DIAPH2: variants seen among roughly 807,000 people sequenced by gnomAD.
DIAPH2 encodes the protein diaphanous related formin 2.
In DIAPH2, 35 loss-of-function variants were observed where a neutral mutation model predicts 92.7. That is an observed-to-expected ratio of 0.38 (90% CI 0.29 to 0.50). The LOEUF is 0.50. DIAPH2 is among the 20% of genes least tolerant of loss of function. The pLI, the probability that DIAPH2 is intolerant of heterozygous loss-of-function variation, is 0.94. For synonymous variants in DIAPH2, 301 were observed against 280.4 expected (o/e 1.07, Z -0.73); for missense variants, 701 against 819.5 (o/e 0.86, Z 1.77).
At chrX:96,940,450 C>T (rs2065697155) in intron 12 of DIAPH2, among the ~76,000 whole-genome samples, 1 of 111,850 alleles carries the variant, frequency 8.9e-6, no homozygotes, top group African/African-American at 3.3e-5. Context: ...TTACATTTAA[C>T]TGTTCAAGAG....
At chrX:96,764,519 G>A (rs1034477147) in intron 4 of DIAPH2, among the ~76,000 whole-genome samples, 2 of 111,753 alleles carry the variant, frequency 1.8e-5, no homozygotes, top group African/African-American at 6.5e-5. Flanking sequence ...ATTAGTTTGA[G>A]CAAGGAGGTA....
intron 4 of DIAPH2, among the ~76,000 whole-genome samples, chrX:96,781,034 C>T (rs1384786876): frequency 2.8e-5 from 3 of 108,550 alleles, no homozygotes; most frequent in Non-Finnish European, 5.7e-5. Flanking sequence ...CTCAAACTGC[C>T]GACCTCAGGC....
intron 23 of DIAPH2, among the ~76,000 whole-genome samples, chrX:97,331,860 G>A (rs1014107949): frequency 2.7e-5 from 3 of 111,355 alleles, no homozygotes; most frequent in African/African-American, 9.8e-5. Flanking sequence ...CTAATGTCAG[G>A]GGTATCAAAC....
intron 22 of DIAPH2, among the ~76,000 whole-genome samples, chrX:97,176,551 G>A (rs1464064236): frequency 2.7e-5 from 3 of 110,283 alleles, no homozygotes; most frequent in Non-Finnish European, 5.7e-5. Context: ...TTTTTGAGAC[G>A]GAGTCTTGCT....
intron 26 of DIAPH2, among the ~76,000 whole-genome samples, chrX:97,574,086 G>A (rs1037896032): frequency 2.7e-5 from 3 of 111,765 alleles, no homozygotes; most frequent in Non-Finnish European, 1.9e-5. Context: ...TGATTCTCCT[G>A]TAAGATATCT....
intron 24 of DIAPH2, among the ~76,000 whole-genome samples, chrX:97,360,293 A>G (rs1348121016): frequency 2.7e-5 from 3 of 111,239 alleles, no homozygotes; most frequent in East Asian, 5.6e-4. Flanking sequence ...AGTCTCATAT[A>G]CATTGGGGAC....
chrX:96,958,247 T>C, intron 16 of DIAPH2, 99 bp downstream of exon 16: 1 of 922,969 alleles, frequency 1.1e-6, no homozygotes. Flanking sequence ...CTGCTGACTC[T>C]TTCCGTTCCT....
rs1354480079 is a variant in DIAPH2 at position 97,578,651 on chromosome X, A to G, written c.3242-20602A>G. Among the ~76,000 whole-genome samples, 4 of 76,984 alleles carry G rather than the reference A, an allele frequency of 5.2e-5. No homozygotes were observed. The Admixed American group carries it at 6.8e-4, about 13-fold the overall frequency. The allele number at this position is 76,984 out of a possible 115,157, so 66.9% of individuals were successfully genotyped here. On this transcript the variant is annotated intron_variant, in intron 26 of 26. Transcript: ENST00000324765. ...AACATACGTGTGCATGTGTCTTTAT[A>G]GCAGCATGATTTATAGTCCTTTGGG...
At chrX:97,211,867 T>G (rs2147506056) in intron 22 of DIAPH2, among the ~76,000 whole-genome samples, 1 of 112,059 alleles carries the variant, frequency 8.9e-6, no homozygotes, top group East Asian at 2.8e-4. Flanking sequence ...ACTGCCAGTT[T>G]GCTACCTAAT....
At chrX:97,541,354 T>C (rs1363163144) in intron 26 of DIAPH2, among the ~76,000 whole-genome samples, 1 of 111,571 alleles carries the variant, frequency 9.0e-6, no homozygotes, top group East Asian at 2.8e-4. Flanking sequence ...TTATAGATAC[T>C]AGAGGAATCA....
At position 97,340,511 on chromosome X, in the gene DIAPH2, C is replaced by T. The variant is rs144865482; in HGVS notation, c.2845-7605C>T. Reference sequence around the variant, plus strand: ...GACAAGGTCCTGTTAAAGATATACCCACTTTATATTATAAATAGAAATCTA... The same window carrying T: ...GACAAGGTCCTGTTAAAGATATACCTACTTTATATTATAAATAGAAATCTA... On this transcript the variant is annotated intron_variant, in intron 23 of 26. Coordinates refer to ENST00000324765, the MANE Select transcript of DIAPH2 (RefSeq NM_006729.5). Among the ~76,000 whole-genome samples, 237 of 111,311 alleles carry T rather than the reference C, an allele frequency of 2.1e-3. 2 individuals carry two copies. Among genetic ancestry groups the T allele is most frequent in the African/African-American group, 7.2e-3 (222 of 30,678 alleles).
chrX:97,592,668 AC>A (rs2071525560), intron 26 of DIAPH2, among the ~76,000 whole-genome samples: 1 of 112,151 alleles, frequency 8.9e-6, no homozygotes, highest in Non-Finnish European at 1.9e-5. Flanking sequence ...TGTATTTTCT[AC>A]ACAAAAGCAC....
intron 22 of DIAPH2, among the ~76,000 whole-genome samples, chrX:97,237,674 C>T (rs1602439538): frequency 9.0e-6 from 1 of 110,627 alleles, no homozygotes; most frequent in African/African-American, 3.3e-5. Context: ...CTCCACCTCC[C>T]GGGTTCGCGC....
rs57799375 is a variant in DIAPH2 at position 97,137,270 on chromosome X, C to CATATATATATATATAT, written c.2590-4378_2590-4363dup. On this transcript the variant is annotated intron_variant, in intron 21 of 26. Transcript: ENST00000324765. Reference sequence around the variant, plus strand: ...GGGGTCATATATAAACGCAGTTATACATATATATATATATATATATATATA... The same window carrying CATATATATATATATAT: ...GGGGTCATATATAAACGCAGTTATACATATATATATATATATATATATATATATATATATATATATA... Among the ~76,000 whole-genome samples, 324 of 68,160 alleles carry CATATATATATATATAT rather than the reference C, an allele frequency of 4.8e-3. 3 individuals carry two copies. Among genetic ancestry groups the CATATATATATATATAT allele is most frequent in the African/African-American group, 0.014 (217 of 15,939 alleles). The allele number at this position is 68,160 out of a possible 115,157, so 59.2% of individuals were successfully genotyped here. A position where few individuals can be genotyped will look rare whatever the true frequency, so the allele number is the denominator to read the frequency against.
chrX:96,696,758 A>G (rs999028783), intron 1 of DIAPH2, among the ~76,000 whole-genome samples: 1 of 111,977 alleles, frequency 8.9e-6, no homozygotes, highest in East Asian at 2.8e-4. Flanking sequence ...ATAGTACACA[A>G]TATCATAGGT....
intron 26 of DIAPH2, among the ~76,000 whole-genome samples, chrX:97,492,477 G>A (rs1267341541): frequency 9.0e-6 from 1 of 110,867 alleles, no homozygotes; most frequent in East Asian, 2.8e-4. Flanking sequence ...TTCTGTGTTT[G>A]TCTGTATGCT....
At chrX:96,707,592 G>A (rs979024497) in intron 1 of DIAPH2, among the ~76,000 whole-genome samples, 12 of 109,227 alleles carry the variant, frequency 1.1e-4, no homozygotes, top group African/African-American at 4.0e-4. Flanking sequence ...AGGTTGCAGT[G>A]AGCCAAGATC....
chrX:96,785,696 C>G (rs781391735), intron 4 of DIAPH2, among the ~76,000 whole-genome samples: 1 of 108,211 alleles, frequency 9.2e-6, no homozygotes, highest in African/African-American at 3.4e-5. Flanking sequence ...AGGCTGGTCT[C>G]GAACTCCTGA....
intron 1 of DIAPH2, among the ~76,000 whole-genome samples, chrX:96,718,339 T>TTG: frequency 5.0e-5 from 2 of 40,031 alleles, no homozygotes; most frequent in Non-Finnish European, 9.4e-5. Context: ...TTTCTTTGTT[T>TTG]TTTTTTTTTT....
Sources: gnomAD v4.1 joint callset for allele counts (sites outside exome capture counted in the v4.1 genomes callset) on GRCh38, gnomAD v4.1.1 for gene constraint, MANE v1.5 for transcripts, NCBI Gene and HGNC (gene_info 2026-07-23, HGNC 2026-07-21) for gene names.